EDNRB: variants seen among roughly 807,000 people sequenced by gnomAD.
The protein encoded by EDNRB is endothelin receptor type B, also known as Hirschsprung disease 2.
Under a neutral mutation model 46.4 loss-of-function variants are expected in EDNRB, and 18 were observed. That is an observed-to-expected ratio of 0.39 (90% CI 0.27 to 0.57). The LOEUF (loss-of-function observed/expected upper bound fraction) is 0.57, where lower values mean the gene tolerates loss of function less well. Ranked by LOEUF, EDNRB falls within the 20% of genes least tolerant of loss-of-function variation. EDNRB has a pLI of 0.61. For missense variants in EDNRB, 434 were observed against 537.5 expected, an observed-to-expected ratio of 0.81 and a Z score of 1.90; for synonymous variants, 213 against 204.9, an observed-to-expected ratio of 1.04 and a Z score of -0.34.
At chr13:77,914,728 A>G (rs1202275546) in intron 1 of EDNRB, among the ~76,000 whole-genome samples, 1 of 152,226 alleles carries the variant, frequency 6.6e-6, no homozygotes, top group African/African-American at 2.4e-5. Context: ...GAGGAAGTCC[A>G]GGCAGATCAG....
chr13:77,920,489 G>C (rs547989090), upstream of EDNRB, among the ~76,000 whole-genome samples: 2 of 152,332 alleles, frequency 1.3e-5, no homozygotes, highest in African/African-American at 4.8e-5. Context: ...TTCACCCAGA[G>C]ACAGGAGGCT....
chr13:77,909,226 G>T (rs2137624448), intron 1 of EDNRB, among the ~76,000 whole-genome samples: 1 of 152,016 alleles, frequency 6.6e-6, no homozygotes, highest in Admixed American at 6.6e-5. Flanking sequence ...AAAGAAACAA[G>T]GCAAGAGAAT....
At position 77,895,524 on chromosome 13, in the gene EDNRB, C is replaced by G. The variant is rs1393600559; in HGVS notation, c.*2676G>C. On this transcript the variant is annotated 3_prime_UTR_variant, in exon 7 of 7. Transcript: ENST00000646607. ...GGCATTTTAATTGAATAACTTCATA[C>G]TTGCTTGATAATTGTATATTTAACA... 2 of 152,128 alleles carry G rather than the reference C, an allele frequency of 1.3e-5. No homozygotes were observed. The highest frequency in any genetic ancestry group is 3.9e-4 in the East Asian group (2 of 5,150). 9.4% of individuals were successfully genotyped at this position (152,128 alleles called of 1,614,324 possible).
intron 1 of EDNRB, among the ~76,000 whole-genome samples, chr13:77,940,681 C>T (rs2137664252): frequency 6.7e-6 from 1 of 149,968 alleles, no homozygotes; most frequent in South Asian, 2.1e-4. Context: ...TCATTCAAAG[C>T]CAAGGAAAAG....
intron 1 of EDNRB, among the ~76,000 whole-genome samples, chr13:77,936,209 G>T (rs1880558795): frequency 6.6e-6 from 1 of 152,090 alleles, no homozygotes; most frequent in Non-Finnish European, 1.5e-5. Flanking sequence ...TGTGAAGGAG[G>T]CTTTGAACTG....
chr13:77,956,628 A>G (rs1000767824), intron 1 of EDNRB, among the ~76,000 whole-genome samples: 1 of 152,238 alleles, frequency 6.6e-6, no homozygotes, highest in Non-Finnish European at 1.5e-5. Flanking sequence ...TAAAAATAGC[A>G]CAAATTTATT....
At chr13:77,937,352 G>C (rs544026231) in intron 1 of EDNRB, among the ~76,000 whole-genome samples, 2 of 152,176 alleles carry the variant, frequency 1.3e-5, no homozygotes, top group Non-Finnish European at 2.9e-5. Context: ...GGTCTGACTC[G>C]TGAAGCCAGC....
intron 3 of EDNRB, 102 bp from the exon 4 acceptor site, chr13:77,901,309 C>A: frequency 1.6e-6 from 2 of 1,239,896 alleles, no homozygotes; most frequent in East Asian, 2.6e-5. Context: ...TGATTATCTT[C>A]TAAATTAGAT....
chr13:77,933,515 C>T (rs1880463991), intron 1 of EDNRB, among the ~76,000 whole-genome samples: 1 of 152,024 alleles, frequency 6.6e-6, no homozygotes, highest in Non-Finnish European at 1.5e-5. Context: ...CAGGAACAGG[C>T]CATTTTCATT....
chr13:77,948,048 A>T (rs1171304841), intron 1 of EDNRB, among the ~76,000 whole-genome samples: 1 of 152,200 alleles, frequency 6.6e-6, no homozygotes, highest in Non-Finnish European at 1.5e-5. Flanking sequence ...AAAATATCTA[A>T]GCCTTAATTA....
chr13:77,959,517 C>T (rs1386671223), intron 1 of EDNRB, among the ~76,000 whole-genome samples: 1 of 152,170 alleles, frequency 6.6e-6, no homozygotes, highest in African/African-American at 2.4e-5. Flanking sequence ...ACAGAAAGGA[C>T]ATCCACACCA....
chr13:77,906,062 C>T (rs1369899508), intron 1 of EDNRB, among the ~76,000 whole-genome samples: 1 of 151,850 alleles, frequency 6.6e-6, no homozygotes, highest in African/African-American at 2.4e-5. Flanking sequence ...ATCCTGTGCG[C>T]CCTGAGGCTG....
intron 1 of EDNRB, among the ~76,000 whole-genome samples, chr13:77,948,810 T>C (rs970978435): frequency 1.3e-5 from 2 of 152,194 alleles, no homozygotes; most frequent in Non-Finnish European, 2.9e-5. Context: ...TGAGATGAAA[T>C]TAATACAAAG....
rs1486523740 is a variant in EDNRB at position 77,953,114 on chromosome 13, AC to A, written c.-52+22232del. 1.4e-4 allele frequency among the ~76,000 whole-genome samples: 22 copies of A among 152,308 alleles called. No individual in the cohort carries two copies. The South Asian group carries it at 4.1e-3, about 29-fold the overall frequency. Reference sequence around the variant, plus strand: ...ACATCCTTAGAAATGCTTTGAAACAACCAAAAATCAAACCACTACCCCAAAC... The same window carrying A: ...ACATCCTTAGAAATGCTTTGAAACAACAAAAATCAAACCACTACCCCAAAC... On this transcript the variant is annotated intron_variant, in intron 1 of 7. Coordinates refer to the EDNRB transcript ENST00000646948.
chr13:77,946,806 C>G (rs1880934160), intron 1 of EDNRB, among the ~76,000 whole-genome samples: 2 of 152,162 alleles, frequency 1.3e-5, no homozygotes, highest in Non-Finnish European at 1.5e-5. Context: ...GTTTGTACTC[C>G]CACCCTCACT....
chr13:77,969,058 A>C (rs1233013247), intron 1 of EDNRB, among the ~76,000 whole-genome samples: 7 of 152,206 alleles, frequency 4.6e-5, no homozygotes, highest in Non-Finnish European at 1.0e-4. Context: ...GAAGCACTGA[A>C]AAATGGCTTC....
Position 77,918,701 on chromosome 13 carries a change from G to A in EDNRB, c.-128C>T, listed in dbSNP as rs199894559. The A allele has an allele frequency of 6.5e-6, 9 of 1,376,474 alleles. No homozygotes were observed. Among genetic ancestry groups the A allele is most frequent in the East Asian group, 2.7e-5 (1 of 36,854 alleles). The allele number at this position is 1,376,474 out of a possible 1,614,324, so 85.3% of individuals were successfully genotyped here. The stretch of plus-strand genomic sequence containing the variant: ...CCAAGTCGCTGCAAACGCTAATACC[G>A]CCCGCAGCCTCTTCGCCAGTATCCA... On this transcript the variant is annotated 5_prime_UTR_variant, in exon 1 of 7. Coordinates refer to ENST00000646607, the MANE Select transcript of EDNRB (RefSeq NM_001122659.3). The surrounding 1 kb of genome is among the most constrained non-coding windows in gnomAD (Gnocchi z 4.5).
intron 1 of EDNRB, chr13:77,947,814 A>G (rs1396124940): frequency 1.4e-5 from 2 of 147,404 alleles, no homozygotes; most frequent in Non-Finnish European, 3.0e-5. Context: ...CAGGGTCTCA[A>G]TATGTTGCTC....
intron 1 of EDNRB, among the ~76,000 whole-genome samples, chr13:77,903,964 A>G (rs1258505870): frequency 6.6e-6 from 1 of 151,938 alleles, no homozygotes; most frequent in Non-Finnish European, 1.5e-5. Flanking sequence ...CCAAAGCAAA[A>G]TATGGGTTAA....
Sources: allele counts gnomAD v4.1 joint callset (sites outside exome capture counted in the v4.1 genomes callset), GRCh38; gene constraint gnomAD v4.1.1; non-coding constraint Gnocchi (gnomAD v3.1); transcripts MANE v1.5; gene names NCBI Gene and HGNC (gene_info 2026-07-23, HGNC 2026-07-21).